The following AKAP9 variants were observed in gnomAD, a reference collection of about 807,000 sequenced individuals.
AKAP9 encodes A-kinase anchoring protein 9.
A neutral mutation model predicts 488.5 loss-of-function variants in AKAP9; 311 were observed. The ratio of observed to expected loss-of-function variants is 0.64; its 90% CI spans 0.58 to 0.70. The LOEUF is 0.70. AKAP9 is among the 30% of genes least tolerant of loss of function. The pLI, the probability that AKAP9 is intolerant of heterozygous loss-of-function variation, is 0.00. For synonymous variants in AKAP9, 1,462 were observed against 1,483.5 expected (o/e 0.99, Z 0.33); for missense variants, 4,215 against 4,374.5 (o/e 0.96, Z 1.03).
chr7:92,083,688 A>G (rs1563113574), intron 33 of AKAP9, 33 bp downstream of exon 33: 1 of 1,592,080 alleles, frequency 6.3e-7, no homozygotes, highest in South Asian at 1.1e-5. Flanking sequence ...GTTTTTCAAC[A>G]TTGTGTGGTT....
intron 9 of AKAP9, among the ~76,000 whole-genome samples, chr7:92,013,182 G>A (rs1186214473): frequency 4.0e-5 from 6 of 150,470 alleles, no homozygotes; most frequent in Admixed American, 1.3e-4. Context: ...TAGTAGAGAC[G>A]GGGTTTCACC....
Position 92,062,197 on chromosome 7 carries a change from T to C in AKAP9, c.5765-77T>C, listed in dbSNP as rs538584075. 3.0e-6 allele frequency: 4 copies of C among 1,324,542 alleles called. No individual in the cohort carries two copies. In the South Asian group the frequency reaches 3.6e-5, roughly 12 times the overall value. The allele number at this position is 1,324,542 out of a possible 1,614,324, so 82.0% of individuals were successfully genotyped here. A position where few individuals can be genotyped will look rare whatever the true frequency, so the allele number is the denominator to read the frequency against. ...GAAAGTTTTGCTAACAGTATACCTT[T>C]TGTTGTTTATATTAAAACCTAGTGG... On this transcript the variant is annotated intron_variant, in intron 23 of 49. Coordinates refer to ENST00000356239, the MANE Select transcript of AKAP9 (RefSeq NM_005751.5).
In AKAP9 at chr7:92,012,592, T is replaced by G. The variant is rs780661875; in HGVS notation, c.3482T>G (p.Leu1161Arg). Residue 1161 changes from leucine to arginine, a missense_variant, in exon 9 of 50, where the codon CTT becomes CGT. Leu to Arg is a moderately radical substitution (Grantham distance 102, BLOSUM62 -2). This residue lies in a region of AKAP9 where 2,361 missense variants were observed against 2,430.0 expected (regional missense o/e 0.97). Transcript: ENST00000356239. ...GCTCAAGAGGAAAAGATCAAGGAAC[T>G]TCAGAAAATACACCAGTTAGAACTA... ...IFAQEEKIKE[L>R]QKIHQLELQT... 1.2e-6 allele frequency: 2 copies of G among 1,613,592 alleles called. No homozygotes were observed. The highest frequency in any genetic ancestry group is 2.2e-5 in the South Asian group (2 of 91,008).
At chr7:91,981,694 C>T (rs1288944592) in intron 3 of AKAP9, among the ~76,000 whole-genome samples, 1 of 146,882 alleles carries the variant, frequency 6.8e-6, no homozygotes, top group Non-Finnish European at 1.5e-5. Context: ...ACTGAAACCT[C>T]TGCCTCCTGG....
intron 1 of AKAP9, among the ~76,000 whole-genome samples, chr7:91,963,809 C>T (rs781580248): frequency 2.0e-5 from 3 of 152,114 alleles, no homozygotes; most frequent in East Asian, 1.9e-4. Flanking sequence ...TGAGCCACCG[C>T]GCCCAGCCAT....
rs557508217 is a variant in AKAP9, at chr7:91,959,085, A to C, written c.49-14626A>C. Among the ~76,000 whole-genome samples the C allele has an allele frequency of 2.6e-5, 4 of 151,860 alleles. No homozygotes were observed. The East Asian group carries it at 7.8e-4, about 29-fold the overall frequency. ...TTTTTTGTAGAGATGAGGTTTCACT[A>C]TGTTGCCCAGGTTGGTCTCGAATTC... On this transcript the variant is annotated intron_variant, in intron 1 of 49. Transcript: ENST00000356239.
At chr7:92,062,550 A>G (rs1810062606) in intron 24 of AKAP9, 64 bp downstream of exon 24, 2 of 1,456,228 alleles carry the variant, frequency 1.4e-6, no homozygotes, top group Non-Finnish European at 1.9e-6. Context: ...TCAAAGGCTT[A>G]AGGTGGCTTT....
In AKAP9 at chr7:92,079,694, C is replaced by T; in HGVS notation, c.7561C>T (p.Gln2521Ter). 2 of 1,613,986 alleles carry T rather than the reference C, an allele frequency of 1.2e-6. No homozygotes were observed. The highest frequency in any genetic ancestry group is 2.2e-5 in the East Asian group (1 of 44,850). ...KDLELTQCYK[Q>*]IKDMQEQGQF... ...CTTAGAACTTACCCAGTGTTATAAA[C>T]AAATAAAAGACATGCAAGAACAAGG... is the stretch of plus-strand genomic sequence containing the variant. The change falls in exon 31 of 50, where the codon CAA (glutamine) becomes TAA (stop). Residue 2521 changes from glutamine to a stop codon, truncating the protein, a stop_gained. Coordinates refer to ENST00000356239, the MANE Select transcript of AKAP9 (RefSeq NM_005751.5). LOFTEE classifies it high-confidence loss of function.
chr7:91,977,299 G>A (rs1282863261), intron 2 of AKAP9, among the ~76,000 whole-genome samples: 2 of 152,118 alleles, frequency 1.3e-5, no homozygotes, highest in Admixed American at 6.6e-5. Flanking sequence ...GCTCATGCCT[G>A]TAATCCCAGC....
intron 37 of AKAP9, among the ~76,000 whole-genome samples, chr7:92,089,029 A>C (rs1245552071): frequency 6.6e-6 from 1 of 152,180 alleles, no homozygotes; most frequent in African/African-American, 2.4e-5. Context: ...TGAAAGACAA[A>C]GAAAGACTTG....
intron 2 of AKAP9, among the ~76,000 whole-genome samples, chr7:91,974,439 C>T (rs1795423094): frequency 6.6e-6 from 1 of 151,908 alleles, no homozygotes; most frequent in Non-Finnish European, 1.5e-5. Context: ...TTATATTTAT[C>T]CCCTCAATTA....
intron 34 of AKAP9, 27 bp downstream of exon 34, chr7:92,084,730 T>G (rs1703329288): frequency 6.2e-7 from 1 of 1,608,120 alleles, no homozygotes; most frequent in Non-Finnish European, 8.5e-7. Context: ...TTTGTAATGT[T>G]TGTAGTAGTT....
intron 17 of AKAP9, 124 bp downstream of exon 17, chr7:92,038,896 C>T: frequency 2.7e-6 from 2 of 738,992 alleles, no homozygotes; most frequent in Non-Finnish European, 2.2e-6. Flanking sequence ...AGTCTTATGA[C>T]TCACGTTGTT....
chr7:92,061,280 A>C lies in AKAP9; in HGVS notation c.5622A>C (p.Thr1874=). ...TTTAGCTTGAACATGCGAAAGTGACACAGACAGAGTTGATGCGTGAGTCAT... is the reference window on the plus strand; with the variant it reads ...TTTAGCTTGAACATGCGAAAGTGACCCAGACAGAGTTGATGCGTGAGTCAT... The part of the protein sequence containing the change: ...TSSQLEHAKV[T]QTELMRESFR... Residue 1874 remains threonine (T), a synonymous_variant, in exon 23 of 50, where the codon ACA becomes ACC. Transcript: ENST00000356239. 6.2e-7 allele frequency: 1 copy of C among 1,612,634 alleles called. No individual in the cohort carries two copies. The highest frequency in any genetic ancestry group is 8.5e-7 in the Non-Finnish European group (1 of 1,179,064).
At position 92,002,123 on chromosome 7, in the gene AKAP9, A is replaced by G. The variant is rs745784704; in HGVS notation, c.2206A>G (p.Lys736Glu). The G allele has an allele frequency of 1.3e-6, 2 of 1,592,956 alleles. No homozygotes were observed. The highest frequency in any genetic ancestry group is 1.7e-6 in the Non-Finnish European group (2 of 1,174,254). ...AATTGAAATACTCAGACAAGAAGAA[A>G]AAGAAAAGGGTACACTTGAACAAGA... ...KEIEILRQEE[K>E]EKGTLEQEVQ... The change falls in exon 8 of 50, where the codon AAA becomes GAA. Residue 736 changes from lysine (K) to glutamate (E), a missense_variant. Physicochemically the swap from Lys to Glu is moderately conservative, Grantham distance 56. Around this residue, in one of 5 missense-constraint regions of AKAP9, gnomAD observed 2,361 missense variants for 2,430.0 expected, o/e 0.97. Coordinates refer to ENST00000356239, the MANE Select transcript of AKAP9 (RefSeq NM_005751.5).
At chr7:91,961,607 G>GGCCT (rs1395558488) in intron 1 of AKAP9, among the ~76,000 whole-genome samples, 1 of 152,006 alleles carries the variant, frequency 6.6e-6, no homozygotes, top group Admixed American at 6.5e-5. Context: ...CACTTTGGGA[G>GGCCT]GCCTAGGCGG....
chr7:92,021,802 C>T (rs1802350563), intron 12 of AKAP9, among the ~76,000 whole-genome samples: 2 of 152,134 alleles, frequency 1.3e-5, no homozygotes, highest in Admixed American at 1.3e-4. Flanking sequence ...CTGTACAGAG[C>T]ACCATACCAT....
chr7:92,105,925 G>A lies in AKAP9; in HGVS notation c.11416+162G>A, dbSNP rs371110920. 2.6e-5 allele frequency among the ~76,000 whole-genome samples: 4 copies of A among 152,374 alleles called. No homozygotes were observed. In the East Asian group the frequency reaches 7.7e-4, roughly 29 times the overall value. On this transcript the variant is annotated intron_variant, in intron 47 of 49. Coordinates refer to ENST00000356239, the MANE Select transcript of AKAP9 (RefSeq NM_005751.5). The stretch of plus-strand genomic sequence containing the variant: ...ACTGCCCGAGCTCCACCTCCTGTCA[G>A]ATCAGCCGTGGCATTAGATTCTCAT...
chr7:92,079,908 T>A lies in AKAP9; in HGVS notation c.7775T>A (p.Leu2592Gln), dbSNP rs754011064. The change falls in exon 31 of 50, where the codon CTA (leucine) becomes CAA (glutamine). Residue 2592 changes from leucine to glutamine, a missense_variant. This residue lies in a region of AKAP9 where 1,476 missense variants were observed against 1,477.4 expected (regional missense o/e 1.00). Coordinates refer to ENST00000356239, the MANE Select transcript of AKAP9 (RefSeq NM_005751.5). ...ERTNIQNLNQ[L>Q]REDELGSDIS... ...ACAAATATTCAGAATTTAAATCAAC[T>A]AAGAGAAGATGAGTTGGGGTCAGAT... The A allele has an allele frequency of 2.4e-5, 38 of 1,613,626 alleles. No homozygotes were observed. The Middle Eastern group carries it at 8.2e-4, about 35-fold the overall frequency.
Sources: gnomAD v4.1 joint callset for allele counts (sites outside exome capture counted in the v4.1 genomes callset) on GRCh38, gnomAD v4.1.1 for gene constraint, gnomAD v4.1.1 regional missense constraint, MANE v1.5 for transcripts, NCBI Gene and HGNC (gene_info 2026-07-23, HGNC 2026-07-21) for gene names.